Variants in PHF14 observed in about 807,000 individuals in gnomAD.
The protein encoded by PHF14 is PHD finger protein 14.
A neutral mutation model predicts 117.9 loss-of-function variants in PHF14; 55 were observed. That is an observed-to-expected ratio of 0.47 (90% confidence interval 0.38 to 0.58). The LOEUF (loss-of-function observed/expected upper bound fraction) is 0.58, where lower values mean the gene tolerates loss of function less well. Ranked by LOEUF, PHF14 falls within the 20% of genes least tolerant of loss-of-function variation. PHF14 has a pLI of 0.00. For synonymous variants in PHF14, 409 were observed against 368.6 expected, an observed-to-expected ratio of 1.11 and a Z score of -1.26; for missense variants, 978 against 1,122.2, an observed-to-expected ratio of 0.87 and a Z score of 1.84.
At chr7:11,065,420 GA>G (rs1785391514) in intron 16 of PHF14, among the ~76,000 whole-genome samples, 2 of 152,160 alleles carry the variant, frequency 1.3e-5, no homozygotes, top group South Asian at 4.1e-4. Flanking sequence ...TTAATGATCA[GA>G]AAATGCTTGG....
At chr7:11,066,716 T>C (rs938020627) in intron 16 of PHF14, among the ~76,000 whole-genome samples, 1 of 152,242 alleles carries the variant, frequency 6.6e-6, no homozygotes, top group African/African-American at 2.4e-5. Context: ...CACTTTTAAA[T>C]GCCAGTTGGC....
chr7:11,146,136 A>G (rs1029627657), intron 17 of PHF14, among the ~76,000 whole-genome samples: 2 of 152,294 alleles, frequency 1.3e-5, no homozygotes, highest in African/African-American at 2.4e-5. Flanking sequence ...ACATATATTT[A>G]TATACATTAC....
intron 17 of PHF14, among the ~76,000 whole-genome samples, chr7:11,158,785 G>A (rs542962719): frequency 6.6e-6 from 1 of 152,074 alleles, no homozygotes; most frequent in Non-Finnish European, 1.5e-5. Flanking sequence ...GTATGTCATA[G>A]TTGCTTACAG....
chr7:10,996,980 C>A (rs1009805920), intron 4 of PHF14, among the ~76,000 whole-genome samples: 1 of 152,224 alleles, frequency 6.6e-6, no homozygotes, highest in Non-Finnish European at 1.5e-5. Flanking sequence ...CAATGGGTGG[C>A]CAAATTAAGG....
At chr7:11,098,455 C>G (rs1169447266) in intron 16 of PHF14, among the ~76,000 whole-genome samples, 1 of 152,132 alleles carries the variant, frequency 6.6e-6, no homozygotes, top group Non-Finnish European at 1.5e-5. Context: ...CCCTCTCTGT[C>G]TGCCTTGCCT....
At position 11,130,084 on chromosome 7, in the gene PHF14, G is replaced by A. The variant is rs1158761651; in HGVS notation, c.2772+18617G>A. 6.6e-6 allele frequency among the ~76,000 whole-genome samples: 1 copy of A among 150,764 alleles called. No homozygotes were observed. Among genetic ancestry groups the A allele is most frequent in the Non-Finnish European group, 1.5e-5 (1 of 67,202 alleles). On this transcript the variant is annotated intron_variant, in intron 17 of 17. Coordinates refer to ENST00000634607, the MANE Select transcript of PHF14 (RefSeq NM_001007157.2). This position sits in a 1 kb window ranked among gnomAD's most constrained non-coding sequence, Gnocchi z 4.2. ...TAACGTATCAGTACAGGTTGACAGA[G>A]CAGCTCTGCTCATTATAGTCACTTG...
chr7:11,005,243 A>G (rs1277223247), intron 4 of PHF14, among the ~76,000 whole-genome samples: 1 of 152,216 alleles, frequency 6.6e-6, no homozygotes, highest in African/African-American at 2.4e-5. Context: ...CACTGATTAC[A>G]TATGTAGGCT....
intron 16 of PHF14, among the ~76,000 whole-genome samples, chr7:11,089,255 C>T (rs988263245): frequency 6.6e-6 from 1 of 152,060 alleles, no homozygotes; most frequent in Non-Finnish European, 1.5e-5. Context: ...CAGCTGTTTG[C>T]GTATGTAATT....
chr7:10,988,174 G>A (rs539526310), intron 3 of PHF14, among the ~76,000 whole-genome samples: 4 of 152,002 alleles, frequency 2.6e-5, no homozygotes, highest in African/African-American at 4.8e-5. Context: ...CCCTCTTTGC[G>A]TTACATTTCT....
intron 5 of PHF14, among the ~76,000 whole-genome samples, chr7:11,014,312 AAAG>A (rs1783450645): frequency 6.6e-6 from 1 of 152,224 alleles, no homozygotes; most frequent in Non-Finnish European, 1.5e-5. Flanking sequence ...AGTGATTTAA[AAAG>A]AAGTTTAGTA....
At chr7:11,102,543 C>G (rs1787128240) in intron 16 of PHF14, 1 of 1,610,964 alleles carries the variant, frequency 6.2e-7, no homozygotes, top group Non-Finnish European at 8.5e-7. Context: ...ATCCCGGAAA[C>G]CTCTTTTATA....
chr7:11,061,766 TG>T, intron 14 of PHF14, 24 bp from the exon 15 acceptor site: 4 of 1,483,124 alleles, frequency 2.7e-6, no homozygotes, highest in African/African-American at 1.4e-5. Context: ...TTTTGTTTTT[TG>T]TTTTTTTTTT....
intron 13 of PHF14, among the ~76,000 whole-genome samples, chr7:11,049,953 A>T (rs1176557172): frequency 6.6e-6 from 1 of 152,192 alleles, no homozygotes; most frequent in Non-Finnish European, 1.5e-5. Flanking sequence ...GATTATGTAC[A>T]TTTTTGTTTT....
chr7:11,087,877 G>T (rs1170878344), intron 16 of PHF14, among the ~76,000 whole-genome samples: 1 of 151,958 alleles, frequency 6.6e-6, no homozygotes, highest in East Asian at 1.9e-4. Context: ...AAGTCGAATG[G>T]GGGCAAAAAG....
At chr7:11,096,973 CT>C (rs899756252) in intron 16 of PHF14, among the ~76,000 whole-genome samples, 3,952 of 108,572 alleles carry the variant, frequency 0.036, 33 homozygotes, top group African/African-American at 0.078. Context: ...TAGACTAGAA[CT>C]TTTTTTTTTT....
At chr7:11,085,024 G>A (rs567839490) in intron 16 of PHF14, among the ~76,000 whole-genome samples, 1 of 151,854 alleles carries the variant, frequency 6.6e-6, no homozygotes, top group African/African-American at 2.4e-5. Flanking sequence ...TATTGCTAAT[G>A]GTATGTTTTG....
At chr7:11,040,893 G>A (rs1371299317) in intron 12 of PHF14, 118 bp downstream of exon 12, 18 of 496,526 alleles carry the variant, frequency 3.6e-5, no homozygotes, top group Non-Finnish European at 5.9e-5. Flanking sequence ...CAGAATTTAA[G>A]TGCATTTGAA....
chr7:11,146,245 T>C (rs973536965), intron 17 of PHF14, among the ~76,000 whole-genome samples: 1 of 152,126 alleles, frequency 6.6e-6, no homozygotes, highest in Non-Finnish European at 1.5e-5. Context: ...CACAGGAATA[T>C]CAGATGGGAT....
rs780441718 is a variant in PHF14, at chr7:11,114,448, T to G, written c.2772+2981T>G. Reference sequence around the variant, plus strand: ...TCTTTACCCCTGTCTATTACTTTTATAGAAATTCCGTAAGTCTAATAAGAT... The same window carrying G: ...TCTTTACCCCTGTCTATTACTTTTAGAGAAATTCCGTAAGTCTAATAAGAT... On this transcript the variant is annotated intron_variant, in intron 17 of 17. Transcript: ENST00000634607. Among the ~76,000 whole-genome samples the G allele has an allele frequency of 1.2e-3, 180 of 152,128 alleles. 1 individual carries two copies. The highest frequency in any genetic ancestry group is 1.1e-3 in the Non-Finnish European group (74 of 68,004).
Sources: gnomAD v4.1 joint callset for allele counts (sites outside exome capture counted in the v4.1 genomes callset) on GRCh38, gnomAD v4.1.1 for gene constraint, Gnocchi (gnomAD v3.1) non-coding constraint, MANE v1.5 for transcripts, NCBI Gene and HGNC (gene_info 2026-07-23, HGNC 2026-07-21) for gene names.